RAP1GAP2: variants seen among roughly 807,000 people sequenced by gnomAD.
The protein encoded by RAP1GAP2 is rap1 GTPase-activating protein 2.
In RAP1GAP2, 27 loss-of-function variants were observed where a neutral mutation model predicts 95.0. The observed-to-expected ratio is 0.28, with a 90% confidence interval of 0.21 to 0.39. The LOEUF (loss-of-function observed/expected upper bound fraction) is 0.39, where lower values mean the gene tolerates loss of function less well. RAP1GAP2 is among the 10% of genes least tolerant of loss of function. RAP1GAP2 has a pLI of 1.00. For missense variants in RAP1GAP2, 771 were observed against 970.0 expected (o/e 0.79, Z 2.72); for synonymous variants, 373 against 380.9 (o/e 0.98, Z 0.24).
intron 2 of RAP1GAP2, among the ~76,000 whole-genome samples, chr17:2,878,926 C>T (rs764039924): frequency 3.3e-5 from 5 of 152,158 alleles, no homozygotes; most frequent in Non-Finnish European, 5.9e-5. Context: ...GCCCTCTTCC[C>T]GTGACGGTTG....
rs2046228188 is a variant in RAP1GAP2 at position 3,003,356 on chromosome 17, G to A, written c.1201-2013G>A. Among the ~76,000 whole-genome samples the A allele has an allele frequency of 6.6e-6, 1 of 152,018 alleles. No homozygotes were observed. Reference sequence around the variant, plus strand: ...GAAAGTCCAGCTCAGCCATCACCAGGACTACCCCTTTCCCTCCCCCCTATC... The same window carrying A: ...GAAAGTCCAGCTCAGCCATCACCAGAACTACCCCTTTCCCTCCCCCCTATC... On this transcript the variant is annotated intron_variant, in intron 14 of 24. Transcript: ENST00000254695. The surrounding 1 kb of genome is among the most constrained non-coding windows in gnomAD (Gnocchi z 4.1).
intron 23 of RAP1GAP2, among the ~76,000 whole-genome samples, chr17:3,031,691 G>A (rs79663222): frequency 0.36 from 49,673 of 136,444 alleles, 9,989 homozygotes; most frequent in East Asian, 0.64. Context: ...CCAGACTATC[G>A]AGAACTCCAG....
rs753333308 is a variant in RAP1GAP2, at chr17:2,904,035, G to A, written c.81-1249G>A. Among the ~76,000 whole-genome samples, 3 of 152,172 alleles carry A rather than the reference G, an allele frequency of 2.0e-5. No homozygotes were observed. Among genetic ancestry groups the A allele is most frequent in the Admixed American group, 1.3e-4 (2 of 15,276 alleles). ...CAGTGGGGGTGCTTTGATCATTTAC[G>A]CAGGACCTGGGGGTTGGGCTGACTC... On this transcript the variant is annotated intron_variant, in intron 2 of 24. Coordinates refer to ENST00000254695, the MANE Select transcript of RAP1GAP2 (RefSeq NM_015085.5). This position sits in a 1 kb window ranked among gnomAD's most constrained non-coding sequence, Gnocchi z 4.7.
rs1443603013 is a variant in RAP1GAP2, at chr17:2,904,640, C to T, written c.81-644C>T. ...CCTCTTCTCACACCCAGCCCCAGTC[C>T]TGGATCTCTTTAGCCCCGTGGTTCT... is the stretch of plus-strand genomic sequence containing the variant. On this transcript the variant is annotated intron_variant, in intron 2 of 24. Coordinates refer to ENST00000254695, the MANE Select transcript of RAP1GAP2 (RefSeq NM_015085.5). The surrounding 1 kb of genome is among the most constrained non-coding windows in gnomAD (Gnocchi z 4.7). 6.6e-6 allele frequency among the ~76,000 whole-genome samples: 1 copy of T among 150,986 alleles called. No homozygotes were observed. The highest frequency in any genetic ancestry group is 1.5e-5 in the Non-Finnish European group (1 of 67,752).
At chr17:2,949,339 C>T (rs1346023702) in intron 3 of RAP1GAP2, among the ~76,000 whole-genome samples, 3 of 152,334 alleles carry the variant, frequency 2.0e-5, no homozygotes, top group African/African-American at 7.2e-5. Context: ...GGATGGAGAC[C>T]CCTTCCGGAG....
chr17:2,969,884 T>A (rs116592051), intron 8 of RAP1GAP2, among the ~76,000 whole-genome samples: 6 of 152,084 alleles, frequency 3.9e-5, no homozygotes. Flanking sequence ...TAACAATGTA[T>A]CTTAGAGATT....
intron 2 of RAP1GAP2, among the ~76,000 whole-genome samples, chr17:2,802,076 C>T (rs2151482213): frequency 6.6e-6 from 1 of 152,300 alleles, no homozygotes; most frequent in South Asian, 2.1e-4. Context: ...TCTCCCGGCA[C>T]ATGTGAATTC....
intron 17 of RAP1GAP2, among the ~76,000 whole-genome samples, chr17:3,016,703 C>G (rs1403331168): frequency 6.6e-6 from 1 of 151,186 alleles, no homozygotes; most frequent in Non-Finnish European, 1.5e-5. Flanking sequence ...AGTAGCCACA[C>G]TTATCAGATC....
chr17:2,999,703 T>C (rs1486404879), intron 14 of RAP1GAP2, among the ~76,000 whole-genome samples: 2 of 151,634 alleles, frequency 1.3e-5, no homozygotes, highest in Non-Finnish European at 2.9e-5. Context: ...TTCTAGCGCT[T>C]TGGGAGGCAG....
chr17:2,784,647 C>G (rs903781111), intron 1 of RAP1GAP2, among the ~76,000 whole-genome samples: 3 of 152,236 alleles, frequency 2.0e-5, no homozygotes, highest in East Asian at 1.9e-4. Context: ...GGGTCTGTCC[C>G]CAGATCCCCG....
chr17:2,806,865 G>T (rs1399688075), intron 2 of RAP1GAP2, among the ~76,000 whole-genome samples: 1 of 151,584 alleles, frequency 6.6e-6, no homozygotes, highest in East Asian at 1.9e-4. Flanking sequence ...TGTATTTTTA[G>T]TACAGACGGG....
intron 2 of RAP1GAP2, among the ~76,000 whole-genome samples, chr17:2,891,577 C>T (rs2073717833): frequency 6.6e-6 from 1 of 151,434 alleles, no homozygotes. Flanking sequence ...ATCTCACTTC[C>T]AGAGCCCCCC....
chr17:2,990,377 C>G (rs1054260267), intron 11 of RAP1GAP2, among the ~76,000 whole-genome samples: 2 of 152,076 alleles, frequency 1.3e-5, no homozygotes, highest in African/African-American at 4.8e-5. Flanking sequence ...AGCAAAGTTG[C>G]CAGATCATAT....
At chr17:2,987,934 T>C (rs2045611482) in intron 11 of RAP1GAP2, among the ~76,000 whole-genome samples, 1 of 152,230 alleles carries the variant, frequency 6.6e-6, no homozygotes, top group Non-Finnish European at 1.5e-5. Context: ...AGCCTGTGCA[T>C]GTTTGCAGAG....
rs142633261 is a variant in RAP1GAP2, at chr17:2,877,453, A to T, written c.81-27831A>T. 1.5e-3 allele frequency among the ~76,000 whole-genome samples: 234 copies of T among 152,144 alleles called. 1 individual carries two copies. Among genetic ancestry groups the T allele is most frequent in the Middle Eastern group, 3.4e-3 (1 of 294 alleles). ...ACATCACATCTCTGCTCTGCTCACA[A>T]ATCTCCCTGCCTGGCCGGGTGTGGT... On this transcript the variant is annotated intron_variant, in intron 2 of 24. Coordinates refer to ENST00000254695, the MANE Select transcript of RAP1GAP2 (RefSeq NM_015085.5).
chr17:2,761,336 T>A (rs1218474808), intron 1 of RAP1GAP2, among the ~76,000 whole-genome samples: 2 of 149,938 alleles, frequency 1.3e-5, no homozygotes, highest in African/African-American at 4.9e-5. Flanking sequence ...TTGCCCAGGC[T>A]GGAGTGCAAT....
intron 11 of RAP1GAP2, among the ~76,000 whole-genome samples, chr17:2,989,903 C>T (rs1005194801): frequency 6.6e-6 from 1 of 152,192 alleles, no homozygotes; most frequent in Admixed American, 6.5e-5. Flanking sequence ...CTCCCCATCC[C>T]CCTTTCCTTT....
At chr17:3,021,830 T>A (rs183174705) in intron 19 of RAP1GAP2, among the ~76,000 whole-genome samples, 1 of 152,356 alleles carries the variant, frequency 6.6e-6, no homozygotes, top group East Asian at 1.9e-4. Context: ...TTCTTTTCCA[T>A]GGGTGAATAA....
intron 1 of RAP1GAP2, among the ~76,000 whole-genome samples, chr17:2,785,784 G>A (rs374126893): frequency 6.8e-4 from 104 of 152,166 alleles, no homozygotes; most frequent in African/African-American, 2.2e-3. Flanking sequence ...TTTGTCTGTG[G>A]CTCGTCCTGC....
Sources: allele counts gnomAD v4.1 joint callset (sites outside exome capture counted in the v4.1 genomes callset), GRCh38; gene constraint gnomAD v4.1.1; non-coding constraint Gnocchi (gnomAD v3.1); transcripts MANE v1.5; gene names NCBI Gene and HGNC (gene_info 2026-07-23, HGNC 2026-07-21).